The following SUMF1 variants were observed in gnomAD, a reference collection of about 807,000 sequenced individuals.
The protein encoded by SUMF1 is formylglycine-generating enzyme.
In SUMF1, 48 loss-of-function variants were observed where a neutral mutation model predicts 47.6. The observed-to-expected ratio is 1.01, with a 90% CI of 0.80 to 1.28. The LOEUF (loss-of-function observed/expected upper bound fraction) is 1.28, where lower values mean the gene tolerates loss of function less well. Ranked by LOEUF, SUMF1 falls within the 50% of genes most tolerant of loss-of-function variation. The probability of loss-of-function intolerance (pLI) is 0.00; values close to 1 mark genes in which losing one functional copy is unlikely to be tolerated. For missense variants in SUMF1, 571 were observed against 485.4 expected (o/e 1.18, Z -1.66); for synonymous variants, 230 against 192.1 (o/e 1.20, Z -1.63).
chr3:4,268,442 A>T (rs2125032483), intron 8 of SUMF1, among the ~76,000 whole-genome samples: 1 of 152,214 alleles, frequency 6.6e-6, no homozygotes, highest in African/African-American at 2.4e-5. Context: ...ATAAAAAAAG[A>T]AAAAATAATA....
chr3:4,283,751 T>C (rs1291315358), intron 8 of SUMF1, among the ~76,000 whole-genome samples: 1 of 152,190 alleles, frequency 6.6e-6, no homozygotes, highest in Non-Finnish European at 1.5e-5. Context: ...TACTGTAGAC[T>C]GGGTAGCTTA....
At chr3:4,376,471 A>C in intron 7 of SUMF1, 82 bp from the exon 8 acceptor site, 1 of 1,424,326 alleles carries the variant, frequency 7.0e-7, no homozygotes, top group Non-Finnish European at 9.9e-7. Flanking sequence ...ACTTTGATCC[A>C]ACCAGCTCTC....
chr3:4,091,096 C>A (rs80290081), intron 8 of SUMF1, among the ~76,000 whole-genome samples: 5,523 of 137,058 alleles, frequency 0.04, 136 homozygotes, highest in East Asian at 0.075. Flanking sequence ...ACAACAACAA[C>A]AAAAAAAAAA....
chr3:4,308,603 C>G (rs1249196866), intron 8 of SUMF1, among the ~76,000 whole-genome samples: 1 of 152,170 alleles, frequency 6.6e-6, no homozygotes, highest in African/African-American at 2.4e-5. Flanking sequence ...TAATCTGAAG[C>G]CTAGCCAGTC....
At chr3:4,082,334 G>A (rs1220980901) in intron 8 of SUMF1, among the ~76,000 whole-genome samples, 2 of 151,988 alleles carry the variant, frequency 1.3e-5, no homozygotes, top group Non-Finnish European at 2.9e-5. Context: ...GCTGGGCATG[G>A]TGATGCACCC....
chr3:4,335,383 A>G (rs1175833277), intron 8 of SUMF1, among the ~76,000 whole-genome samples: 1 of 152,192 alleles, frequency 6.6e-6, no homozygotes, highest in Non-Finnish European at 1.5e-5. Flanking sequence ...CCAGCTGACA[A>G]TTAACTTTGA....
At chr3:4,066,878 G>A (rs576339981) in intron 9 of SUMF1, among the ~76,000 whole-genome samples, 5 of 152,298 alleles carry the variant, frequency 3.3e-5, no homozygotes, top group South Asian at 4.2e-4. Context: ...CTAAGGTGAT[G>A]AGCATAGCAG....
chr3:4,413,466 A>T (rs900249491), intron 6 of SUMF1, among the ~76,000 whole-genome samples: 3 of 152,038 alleles, frequency 2.0e-5, no homozygotes, highest in African/African-American at 4.8e-5. Context: ...TAGAATGTGG[A>T]GGTCACCACC....
At chr3:4,162,714 G>C (rs981831486) in intron 8 of SUMF1, among the ~76,000 whole-genome samples, 38 of 152,272 alleles carry the variant, frequency 2.5e-4, no homozygotes, top group African/African-American at 8.2e-4. Flanking sequence ...AGTAATTCAA[G>C]GGTGTCTTTC....
chr3:4,246,949 T>A (rs1696685296), intron 8 of SUMF1, among the ~76,000 whole-genome samples: 1 of 152,216 alleles, frequency 6.6e-6, no homozygotes, highest in African/African-American at 2.4e-5. Flanking sequence ...TTTAGCCAGT[T>A]TTTTTCAGGG....
chr3:4,390,292 T>C (rs555900069), intron 7 of SUMF1, among the ~76,000 whole-genome samples: 1 of 152,280 alleles, frequency 6.6e-6, no homozygotes, highest in African/African-American at 2.4e-5. Flanking sequence ...GTAACCACTT[T>C]ACTAATAGAC....
At chr3:4,369,270 C>T (rs1575142054) in intron 8 of SUMF1, among the ~76,000 whole-genome samples, 2 of 152,032 alleles carry the variant, frequency 1.3e-5, no homozygotes, top group Admixed American at 6.6e-5. Flanking sequence ...CTCAGGTAGA[C>T]AAAAGGAAGA....
In SUMF1 at chr3:4,121,794, G is replaced by A. The variant is rs546693370; in HGVS notation, c.1015-53049C>T. ...GGTAAACTACTGTCATGAGGGTTAT[G>A]TACAGATTATTTCATCACCCCAGTA... On this transcript the variant is annotated intron_variant and NMD_transcript_variant, in intron 8 of 12. Coordinates refer to the SUMF1 transcript ENST00000448413. 8.5e-5 allele frequency among the ~76,000 whole-genome samples: 13 copies of A among 152,116 alleles called. No individual in the cohort carries two copies. In the South Asian group the frequency reaches 2.3e-3, roughly 27 times the overall value.
intron 6 of SUMF1, among the ~76,000 whole-genome samples, chr3:4,415,321 T>C (rs1384061297): frequency 6.6e-6 from 1 of 151,972 alleles, no homozygotes; most frequent in Non-Finnish European, 1.5e-5. Flanking sequence ...CCTGTGTCTT[T>C]GGAATGGAGC....
chr3:4,219,825 C>A (rs1559580502), intron 8 of SUMF1, among the ~76,000 whole-genome samples: 1 of 152,126 alleles, frequency 6.6e-6, no homozygotes. Context: ...GCATTTTTAA[C>A]AAGCTCTCCC....
intron 8 of SUMF1, among the ~76,000 whole-genome samples, chr3:4,160,918 T>C (rs903461441): frequency 2.0e-5 from 3 of 152,112 alleles, no homozygotes; most frequent in African/African-American, 2.4e-5. Context: ...AAGAGTTATT[T>C]ATTGTAGTCT....
intron 8 of SUMF1, among the ~76,000 whole-genome samples, chr3:4,223,046 G>C (rs1226958034): frequency 6.6e-6 from 1 of 152,068 alleles, no homozygotes; most frequent in African/African-American, 2.4e-5. Flanking sequence ...TGTGCTGTTT[G>C]CATCTTGCAC....
At chr3:4,211,189 C>CATACATATAT (rs1559569866) in intron 8 of SUMF1, among the ~76,000 whole-genome samples, 3 of 61,054 alleles carry the variant, frequency 4.9e-5, no homozygotes, top group South Asian at 5.7e-4. Flanking sequence ...TATACATATA[C>CATACATATAT]ATATACATAC....
chr3:4,458,637 T>C (rs2079728845), intron 1 of SUMF1, among the ~76,000 whole-genome samples: 1 of 152,134 alleles, frequency 6.6e-6, no homozygotes, highest in Non-Finnish European at 1.5e-5. Flanking sequence ...AAGGGGATCA[T>C]GAGGTCAGGA....
Sources: gnomAD v4.1 joint callset for allele counts (sites outside exome capture counted in the v4.1 genomes callset) on GRCh38, gnomAD v4.1.1 for gene constraint, MANE v1.5 for transcripts, NCBI Gene and HGNC (gene_info 2026-07-23, HGNC 2026-07-21) for gene names.